Variants in SAMD12 observed in about 807,000 individuals in gnomAD.
SAMD12 encodes sterile alpha motif domain containing 12, also known as sterile alpha motif domain-containing protein 12.
Under a neutral mutation model 15.0 loss-of-function variants are expected in SAMD12, and 9 were observed. The observed-to-expected ratio is 0.60, with a 90% CI of 0.36 to 1.05. SAMD12 has a LOEUF of 1.05. SAMD12 is among the 50% of genes least tolerant of loss of function. The pLI is 0.01. For synonymous variants in SAMD12, 86 were observed against 90.1 expected (o/e 0.96, Z 0.25); for missense variants, 230 against 234.2 (o/e 0.98, Z 0.12).
the SAMD12 span, among the ~76,000 whole-genome samples, chr8:118,179,129 C>T: frequency 0.032 from 4,912 of 152,128 alleles, 108 homozygotes; most frequent in South Asian, 0.075. Flanking sequence ...CTACAATTAT[C>T]GGACGTGAAA....
the SAMD12 span, among the ~76,000 whole-genome samples, chr8:118,146,055 C>A: frequency 6.6e-6 from 1 of 152,128 alleles, no homozygotes; most frequent in Non-Finnish European, 1.5e-5. Flanking sequence ...CAATTTAGGT[C>A]CAGTAAGGGT....
intron 3 of SAMD12, among the ~76,000 whole-genome samples, chr8:118,437,867 C>T (rs564512085): frequency 2.0e-5 from 3 of 152,270 alleles, no homozygotes; most frequent in Admixed American, 1.3e-4. Context: ...CTCTTCAAAC[C>T]ATTATAAATG....
chr8:118,618,709 A>G (rs921068514), intron 1 of SAMD12, among the ~76,000 whole-genome samples: 3 of 151,974 alleles, frequency 2.0e-5, no homozygotes, highest in Non-Finnish European at 4.4e-5. Context: ...GCGTGGTAGC[A>G]GGCACCTGTA....
At chr8:118,331,016 C>G (rs1240548454) in intron 4 of SAMD12, among the ~76,000 whole-genome samples, 5 of 151,814 alleles carry the variant, frequency 3.3e-5, no homozygotes, top group Admixed American at 3.3e-4. Context: ...ATAAAATATA[C>G]ATTCCTAGGG....
chr8:118,203,390 G>GTT (rs1819767736), intron 4 of SAMD12, among the ~76,000 whole-genome samples: 1 of 151,690 alleles, frequency 6.6e-6, no homozygotes, highest in Admixed American at 6.6e-5. Context: ...CAACTTGTGT[G>GTT]TGTGTGTGTG....
At chr8:118,569,637 G>A (rs150370071) in intron 2 of SAMD12, among the ~76,000 whole-genome samples, 1 of 152,148 alleles carries the variant, frequency 6.6e-6, no homozygotes, top group Non-Finnish European at 1.5e-5. Flanking sequence ...TGATGAGAAT[G>A]GCATCCACAC....
At chr8:118,548,949 G>C (rs202132196) in intron 2 of SAMD12, among the ~76,000 whole-genome samples, 15 of 152,252 alleles carry the variant, frequency 9.9e-5, no homozygotes, top group African/African-American at 3.1e-4. Flanking sequence ...TGAGATCAAA[G>C]TGCAAGGCGG....
intron 3 of SAMD12, among the ~76,000 whole-genome samples, chr8:118,381,814 G>A (rs2130719873): frequency 6.6e-6 from 1 of 152,332 alleles, no homozygotes; most frequent in South Asian, 2.1e-4. Flanking sequence ...TTAAAGCCAT[G>A]GGAGTTTGTG....
intron 4 of SAMD12, among the ~76,000 whole-genome samples, chr8:118,207,928 C>CT (rs11428909): frequency 0.5 from 75,291 of 149,522 alleles, 20,195 homozygotes; most frequent in Non-Finnish European, 0.62. Flanking sequence ...GTAAATACTC[C>CT]TTTTTTTTTT....
intron 4 of SAMD12, among the ~76,000 whole-genome samples, chr8:118,341,560 T>C (rs868608797): frequency 1.4e-4 from 21 of 152,284 alleles, no homozygotes; most frequent in Middle Eastern, 3.4e-3. Flanking sequence ...TTCTAGAGGC[T>C]GAATGTCTGG....
chr8:118,200,683 A>G (rs1441733200), intron 4 of SAMD12, among the ~76,000 whole-genome samples: 1 of 152,166 alleles, frequency 6.6e-6, no homozygotes, highest in Non-Finnish European at 1.5e-5. Flanking sequence ...CTGTTTTTGC[A>G]GTTAGTATTG....
intron 2 of SAMD12, among the ~76,000 whole-genome samples, chr8:118,525,248 C>T (rs1825501885): frequency 6.6e-6 from 1 of 152,134 alleles, no homozygotes; most frequent in South Asian, 2.1e-4. Flanking sequence ...TCCTGTATTT[C>T]CTTCAGGTCT....
chr8:118,332,044 A>G (rs980222275), intron 4 of SAMD12, among the ~76,000 whole-genome samples: 1 of 152,158 alleles, frequency 6.6e-6, no homozygotes, highest in African/African-American at 2.4e-5. Context: ...GGGGTGGGGG[A>G]AAGGAATCAA....
intron 4 of SAMD12, among the ~76,000 whole-genome samples, chr8:118,294,430 C>T (rs1287512219): frequency 6.6e-6 from 1 of 152,220 alleles, no homozygotes; most frequent in African/African-American, 2.4e-5. Context: ...AGAAGAGCTT[C>T]AGCAGCTTTC....
chr8:118,241,009 C>A (rs558262710), intron 4 of SAMD12, among the ~76,000 whole-genome samples: 2 of 152,264 alleles, frequency 1.3e-5, no homozygotes, highest in African/African-American at 4.8e-5. Context: ...CTCGGCTTTA[C>A]CTTCCCCTAC....
the SAMD12 span, among the ~76,000 whole-genome samples, chr8:118,147,673 T>A: frequency 3.9e-5 from 6 of 151,944 alleles, no homozygotes; most frequent in Admixed American, 3.9e-4. Flanking sequence ...ATGAAAAAAT[T>A]AAAGCTAAAA....
At chr8:118,533,559 T>G (rs1825750328) in intron 2 of SAMD12, among the ~76,000 whole-genome samples, 1 of 152,190 alleles carries the variant, frequency 6.6e-6, no homozygotes, top group Non-Finnish European at 1.5e-5. Flanking sequence ...CTCCCATTAT[T>G]ATTGTGTGGG....
chr8:118,383,858 A>T (rs1399026237), intron 3 of SAMD12, among the ~76,000 whole-genome samples: 1 of 152,162 alleles, frequency 6.6e-6, no homozygotes, highest in East Asian at 1.9e-4. Flanking sequence ...GTGCTGTGAT[A>T]TGGAGATAAG....
Position 118,473,053 on chromosome 8 carries a change from A to G in SAMD12, c.193-33092T>C, listed in dbSNP as rs529066358. Reference sequence around the variant, plus strand: ...CTCCTACTTCCAGTGGGGTCAACCAATTGGAAGCACTGGCAGGAGGTGAGG... The same window carrying G: ...CTCCTACTTCCAGTGGGGTCAACCAGTTGGAAGCACTGGCAGGAGGTGAGG... On this transcript the variant is annotated intron_variant, in intron 2 of 3. Coordinates refer to ENST00000314727, the MANE Select transcript of SAMD12 (RefSeq NM_207506.3). 7.9e-5 allele frequency among the ~76,000 whole-genome samples: 12 copies of G among 152,236 alleles called. No homozygotes were observed. In the East Asian group the frequency reaches 1.9e-3, roughly 25 times the overall value.
Sources: allele counts gnomAD v4.1 joint callset (sites outside exome capture counted in the v4.1 genomes callset), GRCh38; gene constraint gnomAD v4.1.1; transcripts MANE v1.5; gene names NCBI Gene and HGNC (gene_info 2026-07-23, HGNC 2026-07-21).